The following TENM1 variants were observed in gnomAD, a reference collection of about 807,000 sequenced individuals.
The protein encoded by TENM1 is teneurin transmembrane protein 1.
Under a neutral mutation model 174.8 loss-of-function variants are expected in TENM1, and 35 were observed. The ratio of observed to expected loss-of-function variants is 0.20; its 90% CI spans 0.15 to 0.27. TENM1 has a LOEUF of 0.27. Among genes scored for constraint, TENM1 ranks in the 10% least tolerant of loss-of-function variants. The pLI, the probability that TENM1 is intolerant of heterozygous loss-of-function variation, is 1.00. For missense variants in TENM1, 1,633 were observed against 2,130.1 expected (o/e 0.77, Z 4.59); for synonymous variants, 781 against 798.7 (o/e 0.98, Z 0.37).
At chrX:124,772,337 T>C (rs961438510) in intron 3 of TENM1, among the ~76,000 whole-genome samples, 1 of 111,664 alleles carries the variant, frequency 9.0e-6, no homozygotes, top group Non-Finnish European at 1.9e-5. Context: ...GGTTTCGCCA[T>C]GTTGGCCAGG....
chrX:124,986,802 C>T, the TENM1 span, among the ~76,000 whole-genome samples: 2 of 111,070 alleles, frequency 1.8e-5, no homozygotes, highest in South Asian at 7.7e-4. Context: ...CCACCACATC[C>T]GGCTAATTTT....
At chrX:124,581,269 G>T (rs1000717670) in intron 11 of TENM1, among the ~76,000 whole-genome samples, 52 of 109,957 alleles carry the variant, frequency 4.7e-4, no homozygotes, top group Non-Finnish European at 2.7e-4. Flanking sequence ...GTTTCACCAT[G>T]TTAGGTAGGA....
At chrX:124,957,134 C>T (rs1283485481) in intron 1 of TENM1, among the ~76,000 whole-genome samples, 2 of 111,572 alleles carry the variant, frequency 1.8e-5, no homozygotes, top group Admixed American at 9.6e-5. Flanking sequence ...GTACCTGGTA[C>T]ATAGTTTACA....
chrX:124,779,786 T>G (rs1370160589), intron 3 of TENM1, among the ~76,000 whole-genome samples: 1 of 111,647 alleles, frequency 9.0e-6, no homozygotes, highest in Non-Finnish European at 1.9e-5. Flanking sequence ...ATTCCCACCA[T>G]ATAATCTCTA....
At chrX:124,925,559 G>T (rs2147696327) in intron 1 of TENM1, among the ~76,000 whole-genome samples, 1 of 112,132 alleles carries the variant, frequency 8.9e-6, no homozygotes, top group South Asian at 3.7e-4. Flanking sequence ...TTTTAAAATA[G>T]AAAAAGTAAA....
chrX:125,151,248 TTAAAA>T, the TENM1 span, among the ~76,000 whole-genome samples: 6 of 112,371 alleles, frequency 5.3e-5, no homozygotes, highest in Non-Finnish European at 9.4e-5. Context: ...CTCCCAAATA[TTAAAA>T]TAAAATATCT....
intron 11 of TENM1, among the ~76,000 whole-genome samples, chrX:124,570,150 T>C (rs908401790): frequency 9.0e-6 from 1 of 111,342 alleles, no homozygotes; most frequent in African/African-American, 3.3e-5. Context: ...TACAACTTAA[T>C]AAACTACAAG....
intron 11 of TENM1, among the ~76,000 whole-genome samples, chrX:124,579,139 T>C (rs2049241148): frequency 1.8e-5 from 2 of 111,845 alleles, no homozygotes; most frequent in Non-Finnish European, 1.9e-5. Context: ...TGCTTACCCT[T>C]AACATATTGG....
the TENM1 span, among the ~76,000 whole-genome samples, chrX:125,087,831 T>C: frequency 9.0e-6 from 1 of 111,489 alleles, no homozygotes; most frequent in African/African-American, 3.2e-5. Context: ...CACACTGATA[T>C]ATATAAATGA....
At chrX:124,402,024 G>A (rs186692282) in intron 27 of TENM1, among the ~76,000 whole-genome samples, 1 of 111,824 alleles carries the variant, frequency 8.9e-6, no homozygotes, top group Non-Finnish European at 1.9e-5. Flanking sequence ...TAAGGAACAA[G>A]GCAGCACAGT....
intron 3 of TENM1, among the ~76,000 whole-genome samples, chrX:124,862,656 A>G (rs2056935694): frequency 9.0e-6 from 1 of 111,165 alleles, no homozygotes; most frequent in South Asian, 3.8e-4. Context: ...GGGCTACAGC[A>G]TTCTGTGCCT....
chrX:124,825,158 C>CTTTTTTTTT (rs745471230), intron 3 of TENM1, among the ~76,000 whole-genome samples: 2 of 61,007 alleles, frequency 3.3e-5, no homozygotes, highest in Non-Finnish European at 6.2e-5. Flanking sequence ...AGCTGACTTT[C>CTTTTTTTTT]TTTTTTTTTT....
chrX:124,485,929 C>T (rs2046943827), intron 21 of TENM1, among the ~76,000 whole-genome samples: 1 of 112,125 alleles, frequency 8.9e-6, no homozygotes, highest in African/African-American at 3.2e-5. Context: ...AGGCTGTTCT[C>T]AAACTTTGTG....
intron 3 of TENM1, among the ~76,000 whole-genome samples, chrX:124,745,254 T>C (rs1255331076): frequency 9.0e-6 from 1 of 111,349 alleles, no homozygotes; most frequent in East Asian, 2.8e-4. Context: ...GGACACCTAA[T>C]GGAGTGATGG....
rs1477159583 is a variant in TENM1 at position 124,730,878 on chromosome X, G to GA, written c.776+6078dup. On this transcript the variant is annotated intron_variant, in intron 4 of 31. Transcript: ENST00000422452. Reference sequence around the variant, plus strand: ...ATAAGGCCCAAATCCCAGACTTTAGGAAAAGAGCTTGCTGAAGTAAAGTAG... The same window carrying GA: ...ATAAGGCCCAAATCCCAGACTTTAGGAAAAAGAGCTTGCTGAAGTAAAGTAG... Among the ~76,000 whole-genome samples, 7 of 111,535 alleles carry GA rather than the reference G, an allele frequency of 6.3e-5. No individual in the cohort carries two copies. The South Asian group carries it at 1.5e-3, about 24-fold the overall frequency.
chrX:124,788,674 C>A (rs148942539), intron 3 of TENM1, among the ~76,000 whole-genome samples: 88 of 112,870 alleles, frequency 7.8e-4, no homozygotes, highest in Non-Finnish European at 1.3e-3. Context: ...AAAATGATCT[C>A]CTTTGACTCC....
chrX:124,389,316 G>A (rs1465134679), intron 28 of TENM1, among the ~76,000 whole-genome samples: 1 of 112,119 alleles, frequency 8.9e-6, no homozygotes, highest in Non-Finnish European at 1.9e-5. Context: ...AATTCACAAG[G>A]TAATACCAGA....
At chrX:125,147,262 A>T in the TENM1 span, among the ~76,000 whole-genome samples, 1,205 of 109,503 alleles carry the variant, frequency 0.011, 6 homozygotes, top group Non-Finnish European at 0.017. Flanking sequence ...TATATATCTT[A>T]TATATCTACA....
chrX:125,148,532 T>C, the TENM1 span, among the ~76,000 whole-genome samples: 1 of 112,090 alleles, frequency 8.9e-6, no homozygotes, highest in African/African-American at 3.2e-5. Context: ...GCACTCAGGT[T>C]CATGCTTTTA....
Sources: allele counts gnomAD v4.1 joint callset (sites outside exome capture counted in the v4.1 genomes callset), GRCh38; gene constraint gnomAD v4.1.1; transcripts MANE v1.5; gene names NCBI Gene and HGNC (gene_info 2026-07-23, HGNC 2026-07-21).